Variants in GANAB observed in about 807,000 individuals in gnomAD.
The protein encoded by GANAB is neutral alpha-glucosidase AB.
Under a neutral mutation model 129.9 loss-of-function variants are expected in GANAB, and 35 were observed. The observed-to-expected ratio is 0.27, with a 90% CI of 0.21 to 0.36. The LOEUF (loss-of-function observed/expected upper bound fraction) is 0.36. Ranked by LOEUF, GANAB falls within the 10% of genes least tolerant of loss-of-function variation. The probability of loss-of-function intolerance (pLI) is 1.00; values close to 1 mark genes in which losing one functional copy is unlikely to be tolerated. For synonymous variants in GANAB, 482 were observed against 451.8 expected, an observed-to-expected ratio of 1.07 and a Z score of -0.85; for missense variants, 939 against 1,221.0, an observed-to-expected ratio of 0.77 and a Z score of 3.44.
At position 62,629,703 on chromosome 11, in the gene GANAB, G is replaced by A; in HGVS notation, c.1738-19C>T. On this transcript the variant is annotated intron_variant, in intron 14 of 23. Transcript: ENST00000356638. ...CCATGTGCTGGGTGAGGAGAGAAGA[G>A]ACGGGTAGTGAGGAGCAAAAGCCAG... 1 of 1,607,026 alleles carries A rather than the reference G, an allele frequency of 6.2e-7. No individual in the cohort carries two copies. Among genetic ancestry groups the A allele is most frequent in the East Asian group, 2.2e-5 (1 of 44,834 alleles).
intron 9 of GANAB, 34 bp from the exon 10 acceptor site, chr11:62,631,217 C>T (rs1470107078): frequency 1.3e-6 from 2 of 1,509,860 alleles, no homozygotes; most frequent in Admixed American, 2.1e-5. Flanking sequence ...TCAGACACCT[C>T]CTGCCCTCCC....
At chr11:62,643,364 G>A (rs764956506) in intron 1 of GANAB, among the ~76,000 whole-genome samples, 10 of 152,088 alleles carry the variant, frequency 6.6e-5, no homozygotes, top group South Asian at 2.1e-4. Flanking sequence ...TAGGCCGGGC[G>A]TGGTGGCTCA....
chr11:62,632,459 C>A, intron 9 of GANAB, 106 bp downstream of exon 9: 3 of 829,598 alleles, frequency 3.6e-6, no homozygotes, highest in Non-Finnish European at 5.9e-6. Context: ...GGCCCACAGC[C>A]CCTTCTTAAA....
At chr11:62,629,351 C>T in intron 15 of GANAB, 56 bp from the exon 16 acceptor site, 4 of 1,197,478 alleles carry the variant, frequency 3.3e-6, no homozygotes, top group Non-Finnish European at 5.0e-6. Flanking sequence ...CAGCTTTTTA[C>T]ATGGCTGACC....
chr11:62,639,070 A>G lies in GANAB; in HGVS notation c.293T>C (p.Met98Thr). ...VLELQGLQKNMTRFRIDELEP... is the reference protein window; with the variant it reads ...VLELQGLQKNTTRFRIDELEP... Reference sequence around the variant, plus strand: ...CAGCTCATCAATCCTGAACCGAGTCATGTTCTTTTGAAGCCCCTGAAGCTC... The same window carrying G: ...CAGCTCATCAATCCTGAACCGAGTCGTGTTCTTTTGAAGCCCCTGAAGCTC... The change falls in exon 4 of 24, where the codon ATG becomes ACG. Residue 98 changes from methionine (M) to threonine (T), a missense_variant. This residue lies in a region of GANAB where 321 missense variants were observed against 329.1 expected (regional missense o/e 0.98). Transcript: ENST00000356638. 1.2e-6 allele frequency: 2 copies of G among 1,614,108 alleles called. No homozygotes were observed. Among genetic ancestry groups the G allele is most frequent in the Non-Finnish European group, 1.7e-6 (2 of 1,179,980 alleles).
rs534002424 is a variant in GANAB at position 62,629,125 on chromosome 11, C to T, written c.1936+69G>A. On this transcript the variant is annotated intron_variant, in intron 16 of 23. Coordinates refer to ENST00000356638, the MANE Select transcript of GANAB (RefSeq NM_198334.3). ...TCTCAACTCTCTTTGCTTACAACAC[C>T]TTGGTCCTGTGCCCTCTACTTTGCC... is the stretch of plus-strand genomic sequence containing the variant. The T allele has an allele frequency of 1.3e-4, 203 of 1,537,664 alleles. No individual in the cohort carries two copies. The African/African-American group carries it at 2.4e-3, about 18-fold the overall frequency.
chr11:62,626,208 C>T (rs976156325), intron 22 of GANAB, 43 bp from the exon 23 acceptor site: 2 of 1,459,840 alleles, frequency 1.4e-6, no homozygotes, highest in African/African-American at 1.4e-5. Flanking sequence ...GGAAAAATAA[C>T]AGAACAGAAG....
Position 62,629,866 on chromosome 11 carries a change from T to C in GANAB, c.1685A>G (p.His562Arg). Residue 562 changes from histidine (H) to arginine (R), a missense_variant, in exon 14 of 24, where the codon CAT (histidine) becomes CGT (arginine). Physicochemically the swap from His to Arg is conservative, Grantham distance 29 (BLOSUM62 0). Transcript: ENST00000356638. ...PEVTMLKDAQHYGGWEHRDVH... is the reference protein window; with the variant it reads ...PEVTMLKDAQRYGGWEHRDVH... ...ATCCCGGTGCTCCCAGCCCCCATAA[T>C]GCTGGGCATCCTTGAGCATGGTGAC... The C allele has an allele frequency of 1.2e-6, 2 of 1,613,808 alleles. No homozygotes were observed. Among genetic ancestry groups the C allele is most frequent in the East Asian group, 2.2e-5 (1 of 44,884 alleles).
chr11:62,639,524 A>C lies in GANAB; in HGVS notation c.144-57T>G, dbSNP rs2134532464. The C allele has an allele frequency of 2.0e-6, 3 of 1,466,318 alleles. No individual in the cohort carries two copies. In the South Asian group the frequency reaches 3.4e-5, roughly 17 times the overall value. 90.8% of individuals were successfully genotyped at this position (1,466,318 alleles called of 1,614,324 possible). ...AGGCCACCTGCAATGTCCCTAAGTCAGTCTATCACCTGCAGTGTCCTTAGG... is the reference window on the plus strand; with the variant it reads ...AGGCCACCTGCAATGTCCCTAAGTCCGTCTATCACCTGCAGTGTCCTTAGG... On this transcript the variant is annotated intron_variant, in intron 2 of 23. Transcript: ENST00000356638.
intron 1 of GANAB, among the ~76,000 whole-genome samples, chr11:62,641,525 T>C (rs1288521576): frequency 2.0e-5 from 3 of 152,050 alleles, no homozygotes; most frequent in Non-Finnish European, 2.9e-5. Context: ...TGAGCCCTAA[T>C]GCACCCCTAG....
In GANAB at chr11:62,634,980, T is replaced by C; in HGVS notation, c.401A>G (p.Asp134Gly). 6.2e-7 allele frequency: 1 copy of C among 1,612,336 alleles called. No homozygotes were observed. The highest frequency in any genetic ancestry group is 8.5e-7 in the Non-Finnish European group (1 of 1,178,688). The part of the protein sequence containing the change: ...PIARLSVSGR[D>G]ENSVELTMAE... ...CATGGTTAACTCCACACTGTTCTCA[T>C]CACGACCAGAGACAGAAAGCCTGGG... The change falls in exon 5 of 24, where the codon GAT (aspartate) becomes GGT (glycine). Residue 134 changes from aspartate to glycine, a missense_variant. Asp to Gly is a moderately conservative substitution (Grantham distance 94). Transcript: ENST00000356638.
chr11:62,633,334 C>G, intron 6 of GANAB, 63 bp from the exon 7 acceptor site: 1 of 1,545,382 alleles, frequency 6.5e-7, no homozygotes, highest in Non-Finnish European at 8.9e-7. Flanking sequence ...CCGCTCCCAT[C>G]AACTAAATCC....
At chr11:62,644,750 G>A (rs907941829) in intron 1 of GANAB, among the ~76,000 whole-genome samples, 2 of 152,138 alleles carry the variant, frequency 1.3e-5, no homozygotes, top group African/African-American at 4.8e-5. Context: ...TTGAACTCGG[G>A]AGGTGGAAGC....
At chr11:62,630,900 A>T in intron 10 of GANAB, 64 bp from the exon 11 acceptor site, 2 of 1,509,264 alleles carry the variant, frequency 1.3e-6, no homozygotes, top group Non-Finnish European at 1.8e-6. Context: ...AAACTGAGGG[A>T]GGCTTGTGAA....
chr11:62,631,575 G>A (rs1019334625), intron 9 of GANAB, among the ~76,000 whole-genome samples: 3 of 151,006 alleles, frequency 2.0e-5, no homozygotes, highest in Non-Finnish European at 2.9e-5. Flanking sequence ...CAGTTCTCCT[G>A]CCTCAGCCTC....
At position 62,639,040 on chromosome 11, in the gene GANAB, G is replaced by A. The variant is rs200232092; in HGVS notation, c.323C>T (p.Pro108Leu). 26 of 1,613,810 alleles carry A rather than the reference G, an allele frequency of 1.6e-5. No homozygotes were observed. The highest frequency in any genetic ancestry group is 6.7e-5 in the Admixed American group (4 of 59,956). The change falls in exon 4 of 24, where the codon CCT becomes CTT. Residue 108 changes from proline to leucine, a missense_variant. By Grantham distance (98) the Pro-to-Leu change is moderately conservative. This residue lies in a region of GANAB where 321 missense variants were observed against 329.1 expected (regional missense o/e 0.98). Coordinates refer to ENST00000356638, the MANE Select transcript of GANAB (RefSeq NM_198334.3). Reference sequence around the variant, plus strand: ...TGGTACACGGTATCGGGGTCGCCGAGGCTCCAGCTCATCAATCCTGAACCG... The same window carrying A: ...TGGTACACGGTATCGGGGTCGCCGAAGCTCCAGCTCATCAATCCTGAACCG... ...MTRFRIDELE[P>L]RRPRYRVPDV...
At chr11:62,646,416 G>A (rs1296242759) in intron 1 of GANAB, 146 bp downstream of exon 1, 35 of 867,736 alleles carry the variant, frequency 4.0e-5, no homozygotes, top group Non-Finnish European at 5.7e-5. Flanking sequence ...GGAGACCGGA[G>A]GCGTCTGAGG....
rs1432789706 is a variant in GANAB, at chr11:62,625,729, G to A, written c.*86C>T. On this transcript the variant is annotated 3_prime_UTR_variant, in exon 24 of 24. Transcript: ENST00000356638. ...TAGACTAGCATAAGTGAAGTCTGGGGAGGGCCGAACTCCAAGGCAGAAGAA... is the reference window on the plus strand; with the variant it reads ...TAGACTAGCATAAGTGAAGTCTGGGAAGGGCCGAACTCCAAGGCAGAAGAA... The A allele has an allele frequency of 1.2e-6, 1 of 852,288 alleles. No homozygotes were observed. Among genetic ancestry groups the A allele is most frequent in the East Asian group, 2.5e-5 (1 of 40,086 alleles). 52.8% of individuals were successfully genotyped at this position (852,288 alleles called of 1,614,324 possible). A position where few individuals can be genotyped will look rare whatever the true frequency, so the allele number is the denominator to read the frequency against.
At chr11:62,632,891 G>C (rs1307793947) in intron 8 of GANAB, 114 bp downstream of exon 8, 4 of 972,030 alleles carry the variant, frequency 4.1e-6, no homozygotes, top group Non-Finnish European at 6.6e-6. Context: ...GGTGATTCTG[G>C]ACACAAGAAA....
Sources: allele counts gnomAD v4.1 joint callset (sites outside exome capture counted in the v4.1 genomes callset), GRCh38; gene constraint gnomAD v4.1.1; regional missense constraint gnomAD v4.1.1; transcripts MANE v1.5; gene names NCBI Gene and HGNC (gene_info 2026-07-23, HGNC 2026-07-21).